PARG: variants seen among roughly 807,000 people sequenced by gnomAD.
The protein encoded by PARG is mitochondrial poly(ADP-ribose) glycohydrolase.
PARG carries 35 observed loss-of-function variants against 113.0 expected under a neutral mutation model. The ratio of observed to expected loss-of-function variants is 0.31; its 90% CI spans 0.24 to 0.41. The LOEUF (loss-of-function observed/expected upper bound fraction) is 0.41. PARG is among the 10% of genes least tolerant of loss of function. The pLI is 1.00. For synonymous variants in PARG, 330 were observed against 409.9 expected (o/e 0.81, Z 2.36); for missense variants, 797 against 1,169.4 (o/e 0.68, Z 4.64).
At chr10:49,852,238 C>T (rs1263815342) in intron 13 of PARG, among the ~76,000 whole-genome samples, 5 of 152,094 alleles carry the variant, frequency 3.3e-5, no homozygotes, top group African/African-American at 2.4e-5. Flanking sequence ...AATTAGGAGG[C>T]ACTATAATAA....
Position 49,932,135 on chromosome 10 carries a change from A to G in PARG, c.1420T>C (p.Leu474=), listed in dbSNP as rs1554909945. Residue 474 remains leucine (L), a synonymous_variant, in exon 4 of 18, where the codon TTG becomes CTG. Coordinates refer to ENST00000616448, the MANE Select transcript of PARG (RefSeq NM_003631.5). ...MPRCGIRLPL[L]RPSANHTVTI... ...ACTGTGTGATTGGCAGATGGTCTCA[A>G]GAGAGGCAGCCGGATCCCACACCGA... 115 of 1,605,626 alleles carry G rather than the reference A, an allele frequency of 7.2e-5. No individual in the cohort carries two copies. The highest frequency in any genetic ancestry group is 9.3e-5 in the Non-Finnish European group (109 of 1,172,202).
At chr10:49,870,062 A>C (rs1427283460) in intron 9 of PARG, among the ~76,000 whole-genome samples, 1 of 152,150 alleles carries the variant, frequency 6.6e-6, no homozygotes, top group African/African-American at 2.4e-5. Flanking sequence ...CTTGTTAATT[A>C]AACAACTAGA....
intron 7 of PARG, among the ~76,000 whole-genome samples, chr10:49,913,207 T>G (rs1837294003): frequency 6.6e-6 from 1 of 152,152 alleles, no homozygotes; most frequent in Admixed American, 6.5e-5. Context: ...TATCTGGAGA[T>G]TTGATGGATA....
At chr10:49,890,462 T>C (rs1847717726) in intron 7 of PARG, among the ~76,000 whole-genome samples, 1 of 152,198 alleles carries the variant, frequency 6.6e-6, no homozygotes, top group South Asian at 2.1e-4. Flanking sequence ...CCTGAGGAAC[T>C]ATTATGTGTC....
chr10:49,914,341 A>G lies in PARG; in HGVS notation c.1737+1576T>C, dbSNP rs1447697123. Among the ~76,000 whole-genome samples the G allele has an allele frequency of 3.3e-5, 5 of 152,344 alleles. No individual in the cohort carries two copies. The East Asian group carries it at 9.6e-4, about 29-fold the overall frequency. Reference sequence around the variant, plus strand: ...ATATCGGTTTGATCTACTTTTCATCATATCAGATATTACATTGCTGTTACA... The same window carrying G: ...ATATCGGTTTGATCTACTTTTCATCGTATCAGATATTACATTGCTGTTACA... On this transcript the variant is annotated intron_variant, in intron 7 of 17. Transcript: ENST00000616448.
intron 16 of PARG, among the ~76,000 whole-genome samples, chr10:49,824,682 C>A (rs181479926): frequency 5.9e-5 from 9 of 152,278 alleles, no homozygotes; most frequent in Admixed American, 6.5e-5. Context: ...ACTGCTAACA[C>A]TGGGCTCTTA....
intron 7 of PARG, among the ~76,000 whole-genome samples, chr10:49,910,191 T>C (rs1316938301): frequency 9.2e-5 from 14 of 152,020 alleles, no homozygotes; most frequent in African/African-American, 3.1e-4. Context: ...GATAGAGGCT[T>C]TAAACAGTCT....
chr10:49,941,606 G>C lies in PARG; in HGVS notation c.120C>G (p.Asp40Glu), dbSNP rs1393116319. The C allele has an allele frequency of 1.3e-6, 2 of 1,579,812 alleles. No homozygotes were observed. Among genetic ancestry groups the C allele is most frequent in the Non-Finnish European group, 1.7e-6 (2 of 1,163,914 alleles). Residue 40 changes from aspartate to glutamate, a missense_variant, in exon 1 of 18, where the codon GAC becomes GAG. Coordinates refer to ENST00000616448, the MANE Select transcript of PARG (RefSeq NM_003631.5). ...SFPSRQRRVLDPKDAHVQFRV... is the reference protein window; with the variant it reads ...SFPSRQRRVLEPKDAHVQFRV... ...TGAACTGCACGTGAGCGTCCTTGGG[G>C]TCGAGGACGCGCCTCTGCCTGCTGG...
chr10:49,915,798 A>C, intron 7 of PARG, 119 bp downstream of exon 7: 2 of 628,258 alleles, frequency 3.2e-6, no homozygotes, highest in East Asian at 2.9e-5. Context: ...ATAAAATAAC[A>C]GCAAATTTAT....
At chr10:49,890,654 T>C (rs1374116068) in intron 7 of PARG, among the ~76,000 whole-genome samples, 2 of 151,958 alleles carry the variant, frequency 1.3e-5, no homozygotes, top group Non-Finnish European at 2.9e-5. Flanking sequence ...TATTTTTTTT[T>C]CTTCTCTCCA....
At chr10:49,857,484 G>A in intron 12 of PARG, 31 bp from the exon 13 acceptor site, 1 of 1,588,632 alleles carries the variant, frequency 6.3e-7, no homozygotes, top group Non-Finnish European at 8.6e-7. Flanking sequence ...ATTAAATAAT[G>A]GTCAAAAATA....
chr10:49,849,086 T>C (rs2664636), intron 13 of PARG, among the ~76,000 whole-genome samples: 4 of 152,060 alleles, frequency 2.6e-5, no homozygotes, highest in Non-Finnish European at 4.4e-5. Flanking sequence ...TCCCAGCTAC[T>C]AGGGAGGCTG....
At position 49,885,244 on chromosome 10, in the gene PARG, T is replaced by C. The variant is rs782572864; in HGVS notation, c.1789A>G (p.Met597Val). The C allele has an allele frequency of 4.4e-6, 7 of 1,609,084 alleles. No individual in the cohort carries two copies. In the Admixed American group the frequency reaches 8.3e-5, roughly 19 times the overall value. Residue 597 changes from methionine (M) to valine (V), a missense_variant, in exon 8 of 18, where the codon ATG becomes GTG. By Grantham distance (21) the Met-to-Val change is conservative. Around this residue, in one of 5 missense-constraint regions of PARG, gnomAD observed 252 missense variants for 437.4 expected, o/e 0.58. Coordinates refer to ENST00000616448, the MANE Select transcript of PARG (RefSeq NM_003631.5). ...GGCAGACAGAGTGCAATTTTCACCATATCAGGCAAGATGGACTGATATAAA... is the reference window on the plus strand; with the variant it reads ...GGCAGACAGAGTGCAATTTTCACCACATCAGGCAAGATGGACTGATATAAA... ...QHLYQSILPD[M>V]VKIALCLPNI...
chr10:49,867,767 T>C (rs1347900940), intron 10 of PARG, among the ~76,000 whole-genome samples: 10 of 151,210 alleles, frequency 6.6e-5, no homozygotes, highest in Non-Finnish European at 1.5e-4. Context: ...AAACAAACTT[T>C]AAGCTTTTTC....
intron 13 of PARG, among the ~76,000 whole-genome samples, chr10:49,856,275 G>A (rs1845983674): frequency 6.6e-6 from 1 of 151,590 alleles, no homozygotes; most frequent in Non-Finnish European, 1.5e-5. Context: ...TGCCTCCCGG[G>A]TTCAAGTGAT....
intron 16 of PARG, among the ~76,000 whole-genome samples, chr10:49,826,199 C>CA (rs1844351525): frequency 6.6e-6 from 1 of 151,844 alleles, no homozygotes; most frequent in African/African-American, 2.4e-5. Context: ...ACTGGGGCCA[C>CA]AAAAAAGGAT....
chr10:49,937,398 C>A (rs1373353372), intron 1 of PARG, among the ~76,000 whole-genome samples: 1 of 151,866 alleles, frequency 6.6e-6, no homozygotes, highest in Non-Finnish European at 1.5e-5. Flanking sequence ...ATGGCGTGAA[C>A]CCGGGAGGTG....
In PARG at chr10:49,917,359, T is replaced by C. The variant is rs539103720; in HGVS notation, c.1663-1368A>G. 5.3e-5 allele frequency among the ~76,000 whole-genome samples: 8 copies of C among 151,718 alleles called. No homozygotes were observed. In the South Asian group the frequency reaches 1.0e-3, roughly 20 times the overall value. On this transcript the variant is annotated intron_variant, in intron 6 of 17. Transcript: ENST00000616448. ...CAAAAATTAGCTGGGTGTGGTGGCATATGCTTGTAATCCCAGCTACTCGGG... is the reference window on the plus strand; with the variant it reads ...CAAAAATTAGCTGGGTGTGGTGGCACATGCTTGTAATCCCAGCTACTCGGG...
chr10:49,928,266 A>G lies in PARG; in HGVS notation c.1455+3834T>C, dbSNP rs1838314631. 6.6e-5 allele frequency among the ~76,000 whole-genome samples: 10 copies of G among 151,974 alleles called. No individual in the cohort carries two copies. The South Asian group carries it at 2.1e-3, about 32-fold the overall frequency. On this transcript the variant is annotated intron_variant, in intron 4 of 17. Transcript: ENST00000616448. The stretch of plus-strand genomic sequence containing the variant: ...AGTCTGGGTGACAGAGCAAGACTCC[A>G]TCTCGAAAAAAAAAAAAAGTCAGAT...
Sources: gnomAD v4.1 joint callset for allele counts (sites outside exome capture counted in the v4.1 genomes callset) on GRCh38, gnomAD v4.1.1 for gene constraint, gnomAD v4.1.1 regional missense constraint, MANE v1.5 for transcripts, NCBI Gene and HGNC (gene_info 2026-07-23, HGNC 2026-07-21) for gene names.